The following MCTP1 variants were observed in gnomAD, a reference collection of about 807,000 sequenced individuals.
MCTP1 encodes the protein multiple C2 and transmembrane domain-containing protein 1.
MCTP1 carries 69 observed loss-of-function variants against 120.6 expected under a neutral mutation model. The ratio of observed to expected loss-of-function variants is 0.57; its 90% CI spans 0.47 to 0.70. The LOEUF is 0.70. Among genes scored for constraint, MCTP1 ranks in the 30% least tolerant of loss-of-function variants. MCTP1 has a pLI of 0.00. For synonymous variants in MCTP1, 529 were observed against 493.1 expected, an observed-to-expected ratio of 1.07 and a Z score of -0.96; for missense variants, 1,203 against 1,248.8, an observed-to-expected ratio of 0.96 and a Z score of 0.55.
At chr5:94,891,747 AAAATAAATAAAT>A (rs66803101) in intron 11 of MCTP1, among the ~76,000 whole-genome samples, 2,133 of 148,444 alleles carry the variant, frequency 0.014, 38 homozygotes, top group African/African-American at 0.046. Context: ...ATAAGAAGTA[AAAATAAATAAAT>A]AAATAAATAA....
chr5:95,235,970 A>T (rs942760464), intron 1 of MCTP1, among the ~76,000 whole-genome samples: 3 of 152,206 alleles, frequency 2.0e-5, no homozygotes, highest in Non-Finnish European at 4.4e-5. Flanking sequence ...CAGAAAACTA[A>T]TAAACCTACT....
In MCTP1 at chr5:94,710,870, C is replaced by T. The variant is rs764974017; in HGVS notation, c.2778G>A (p.Val926=). 1.9e-6 allele frequency: 3 copies of T among 1,613,090 alleles called. No homozygotes were observed. In the South Asian group the frequency reaches 3.3e-5, roughly 18 times the overall value. ...GAATGCAGTACAGGATGGCTGTGAA[C>T]ACACAGAGGGCTACAATGGCCAGCC... ...LSWLAIVALC[V]FTAILYCIPL... is the part of the protein sequence containing the mutation. The change falls in exon 21 of 23, where the codon GTG becomes GTA. Residue 926 remains valine, a synonymous_variant. Coordinates refer to ENST00000515393, the MANE Select transcript of MCTP1 (RefSeq NM_024717.7).
intron 1 of MCTP1, among the ~76,000 whole-genome samples, chr5:95,221,668 G>A (rs773946067): frequency 6.6e-5 from 10 of 152,274 alleles, no homozygotes; most frequent in East Asian, 1.9e-4. Flanking sequence ...ATGTCAAAAC[G>A]TATGTATTCT....
At chr5:94,966,425 GA>G (rs1307779678) in intron 2 of MCTP1, among the ~76,000 whole-genome samples, 2 of 152,120 alleles carry the variant, frequency 1.3e-5, no homozygotes, top group Non-Finnish European at 2.9e-5. Context: ...CTATCTCAGT[GA>G]GTCTACTATT....
chr5:95,112,618 C>G (rs1554208851), intron 1 of MCTP1, among the ~76,000 whole-genome samples: 1 of 152,006 alleles, frequency 6.6e-6, no homozygotes, highest in Non-Finnish European at 1.5e-5. Flanking sequence ...CAGATTTTAC[C>G]TAATCTAAGA....
chr5:94,905,190 T>C (rs369656691), intron 10 of MCTP1, among the ~76,000 whole-genome samples: 12 of 152,074 alleles, frequency 7.9e-5, no homozygotes, highest in African/African-American at 2.7e-4. Flanking sequence ...CTGGTATGCC[T>C]TGAGGAACAG....
chr5:95,174,908 G>A (rs1435014482), intron 1 of MCTP1, among the ~76,000 whole-genome samples: 1 of 152,068 alleles, frequency 6.6e-6, no homozygotes, highest in African/African-American at 2.4e-5. Context: ...CTTACATAAT[G>A]TTAGCCATAC....
intron 17 of MCTP1, among the ~76,000 whole-genome samples, chr5:94,860,572 G>A (rs1239456664): frequency 6.6e-6 from 1 of 151,752 alleles, no homozygotes; most frequent in Admixed American, 6.6e-5. Context: ...CTCCAGACAA[G>A]TTCCGTATGG....
rs1386133446 is a variant in MCTP1 at position 95,284,347 on chromosome 5, T to G, written c.229A>C (p.Arg77=). 2 of 1,596,828 alleles carry G rather than the reference T, an allele frequency of 1.3e-6. No individual in the cohort carries two copies. Among genetic ancestry groups the G allele is most frequent in the Non-Finnish European group, 1.7e-6 (2 of 1,179,282 alleles). The change falls in exon 1 of 23, where the codon AGG becomes CGG. Residue 77 remains arginine (R), a synonymous_variant. Transcript: ENST00000515393. This position sits in a 1 kb window ranked among gnomAD's most constrained non-coding sequence, Gnocchi z 5.2. The part of the protein sequence containing the change: ...APARGSGAGS[R]WSGFKKRKQV... ...TTCCGCTTCTTGAAGCCGCTCCACC[T>G]GCTGCCTGCACCACTCCCCCTGGCC...
chr5:94,850,839 C>CA (rs1053298446), intron 17 of MCTP1, among the ~76,000 whole-genome samples: 2 of 152,060 alleles, frequency 1.3e-5, no homozygotes, highest in African/African-American at 4.8e-5. Context: ...GTAGAGTGAT[C>CA]AATCACAAAA....
intron 1 of MCTP1, among the ~76,000 whole-genome samples, chr5:95,229,731 A>G (rs1217768520): frequency 1.3e-5 from 2 of 148,702 alleles, no homozygotes; most frequent in African/African-American, 5.0e-5. Context: ...ACAGAATGAG[A>G]CTCCATCTCA....
At chr5:94,996,402 T>C (rs1004627111) in intron 2 of MCTP1, among the ~76,000 whole-genome samples, 10 of 152,162 alleles carry the variant, frequency 6.6e-5, no homozygotes, top group Admixed American at 6.6e-4. Context: ...TAGGATTCCT[T>C]GAGTAAAATT....
intron 1 of MCTP1, among the ~76,000 whole-genome samples, chr5:95,028,362 A>T (rs1294151511): frequency 6.6e-6 from 1 of 152,164 alleles, no homozygotes; most frequent in Non-Finnish European, 1.5e-5. Context: ...TTTGAACTGA[A>T]CTACAACCCT....
chr5:95,261,394 A>T (rs1429101535), intron 1 of MCTP1, among the ~76,000 whole-genome samples: 1 of 152,250 alleles, frequency 6.6e-6, no homozygotes, highest in African/African-American at 2.4e-5. Flanking sequence ...GAAAAAAAAG[A>T]TTCCTCCCAC....
intron 17 of MCTP1, among the ~76,000 whole-genome samples, chr5:94,813,929 G>T (rs1783953994): frequency 6.6e-6 from 1 of 152,156 alleles, no homozygotes; most frequent in African/African-American, 2.4e-5. Flanking sequence ...AGTGAAAGAA[G>T]TCAGATGTAA....
At chr5:95,245,376 C>T (rs2152687108) in intron 1 of MCTP1, among the ~76,000 whole-genome samples, 1 of 152,300 alleles carries the variant, frequency 6.6e-6, no homozygotes, top group East Asian at 1.9e-4. Flanking sequence ...TAAGAAACTT[C>T]TCCGAGCTAA....
chr5:94,725,974 TAATA>T (rs1762050421), intron 19 of MCTP1, among the ~76,000 whole-genome samples: 1 of 152,224 alleles, frequency 6.6e-6, no homozygotes, highest in African/African-American at 2.4e-5. Context: ...TATTAAATCT[TAATA>T]AAGACAACAG....
At chr5:94,900,834 A>T (rs568441515) in intron 10 of MCTP1, among the ~76,000 whole-genome samples, 39 of 152,292 alleles carry the variant, frequency 2.6e-4, no homozygotes, top group South Asian at 1.5e-3. Flanking sequence ...GGAAATTTTT[A>T]AAAAAATGCC....
intron 2 of MCTP1, among the ~76,000 whole-genome samples, chr5:94,990,068 G>C (rs1202193635): frequency 3.9e-5 from 6 of 152,136 alleles, no homozygotes; most frequent in African/African-American, 1.4e-4. Context: ...ACCCAAAAAG[G>C]GGACGGTACA....
Sources: gnomAD v4.1 joint callset for allele counts (sites outside exome capture counted in the v4.1 genomes callset) on GRCh38, gnomAD v4.1.1 for gene constraint, Gnocchi (gnomAD v3.1) non-coding constraint, MANE v1.5 for transcripts, NCBI Gene and HGNC (gene_info 2026-07-23, HGNC 2026-07-21) for gene names.